The following OLFML2B variants were observed in gnomAD, a reference collection of about 807,000 sequenced individuals.
OLFML2B encodes the protein olfactomedin-like protein 2B.
OLFML2B carries 57 observed loss-of-function variants against 74.9 expected under a neutral mutation model. The observed-to-expected ratio is 0.76, with a 90% CI of 0.61 to 0.95. The LOEUF (loss-of-function observed/expected upper bound fraction) is 0.95, where lower values mean the gene tolerates loss of function less well. Ranked by LOEUF, OLFML2B falls within the 40% of genes least tolerant of loss-of-function variation. OLFML2B has a pLI of 0.00. For synonymous variants in OLFML2B, 388 were observed against 405.8 expected, an observed-to-expected ratio of 0.96 and a Z score of 0.53; for missense variants, 986 against 970.6, an observed-to-expected ratio of 1.02 and a Z score of -0.21.
At chr1:162,003,718 C>T (rs1250170158) in intron 4 of OLFML2B, among the ~76,000 whole-genome samples, 3 of 152,138 alleles carry the variant, frequency 2.0e-5, no homozygotes, top group Admixed American at 2.0e-4. Context: ...CAGGCAAGGA[C>T]CATCTTAGAG....
intron 6 of OLFML2B, among the ~76,000 whole-genome samples, chr1:161,987,744 G>A (rs145075224): frequency 9.8e-5 from 15 of 152,314 alleles, no homozygotes; most frequent in African/African-American, 3.1e-4. Flanking sequence ...TCTTGGGTTA[G>A]GGCACCCTTA....
At chr1:162,009,250 T>C (rs918304815) in intron 3 of OLFML2B, among the ~76,000 whole-genome samples, 2 of 152,222 alleles carry the variant, frequency 1.3e-5, no homozygotes, top group Admixed American at 6.5e-5. Context: ...GCCAGGTCGA[T>C]AGGCTTCTCT....
chr1:161,996,675 A>G (rs1378862411), intron 6 of OLFML2B, among the ~76,000 whole-genome samples: 2 of 152,228 alleles, frequency 1.3e-5, no homozygotes. Flanking sequence ...TTTGGAAAAG[A>G]CATTTGTAAC....
chr1:162,010,422 G>C (rs1690347286), intron 3 of OLFML2B, among the ~76,000 whole-genome samples: 1 of 152,226 alleles, frequency 6.6e-6, no homozygotes, highest in South Asian at 2.1e-4. Flanking sequence ...GTGCAAACAA[G>C]GCAGGGACCC....
chr1:162,007,674 GCTA>G (rs573060137), intron 3 of OLFML2B, among the ~76,000 whole-genome samples: 110 of 152,332 alleles, frequency 7.2e-4, no homozygotes, highest in Middle Eastern at 3.4e-3. Context: ...CTGGTGGGAT[GCTA>G]CTAACATCCT....
intron 4 of OLFML2B, among the ~76,000 whole-genome samples, chr1:162,004,830 C>T (rs189645865): frequency 2.2e-4 from 33 of 152,314 alleles, no homozygotes; most frequent in African/African-American, 4.8e-4. Context: ...ACACTCAGAA[C>T]GACTCCCCGA....
chr1:161,998,020 G>C lies in OLFML2B; in HGVS notation c.1279C>G (p.Gln427Glu), dbSNP rs1048372979. 1.2e-6 allele frequency: 2 copies of C among 1,614,166 alleles called. No individual in the cohort carries two copies. The highest frequency in any genetic ancestry group is 1.1e-5 in the South Asian group (1 of 91,078). ...PATTVAHTAT[Q>E]QPAAPAPPAV... ...GGAGGAGCTGGGGCTGCTGGTTGCTGGGTGGCTGTGTGGGCCACAGTGGTG... is the reference window on the plus strand; with the variant it reads ...GGAGGAGCTGGGGCTGCTGGTTGCTCGGTGGCTGTGTGGGCCACAGTGGTG... Residue 427 changes from glutamine (Q) to glutamate (E), a missense_variant, in exon 6 of 8, where the codon CAG becomes GAG. Transcript: ENST00000294794.
At chr1:162,011,442 G>A (rs1690384841) in intron 3 of OLFML2B, among the ~76,000 whole-genome samples, 1 of 152,182 alleles carries the variant, frequency 6.6e-6, no homozygotes, top group African/African-American at 2.4e-5. Flanking sequence ...AGATGGCCTG[G>A]GACAGCAACC....
In OLFML2B at chr1:162,022,059, C is replaced by T. The variant is rs1690716667; in HGVS notation, c.174+1198G>A. ...CTAGGGCTTGGTGGAGGTGAAGGTACAGGCAGCCCTGGAGGATCCTTTTTC... is the reference window on the plus strand; with the variant it reads ...CTAGGGCTTGGTGGAGGTGAAGGTATAGGCAGCCCTGGAGGATCCTTTTTC... On this transcript the variant is annotated intron_variant, in intron 1 of 7. Coordinates refer to ENST00000294794, the MANE Select transcript of OLFML2B (RefSeq NM_015441.3). Among the ~76,000 whole-genome samples, 6 of 152,002 alleles carry T rather than the reference C, an allele frequency of 3.9e-5. No individual in the cohort carries two copies. In the South Asian group the frequency reaches 1.2e-3, roughly 32 times the overall value.
chr1:162,012,752 C>G (rs1464157115), intron 3 of OLFML2B, among the ~76,000 whole-genome samples: 1 of 151,004 alleles, frequency 6.6e-6, no homozygotes, highest in Non-Finnish European at 1.5e-5. Flanking sequence ...CACATGTGTA[C>G]ATAAGCATTT....
At chr1:162,017,610 AG>A in intron 2 of OLFML2B, 103 bp from the exon 3 acceptor site, 1 of 772,156 alleles carries the variant, frequency 1.3e-6, no homozygotes, top group Non-Finnish European at 2.1e-6. Flanking sequence ...GAAAGCCACT[AG>A]CCAGGAATTG....
intron 6 of OLFML2B, among the ~76,000 whole-genome samples, chr1:161,994,655 G>A (rs576729751): frequency 2.0e-5 from 3 of 152,262 alleles, no homozygotes; most frequent in South Asian, 2.1e-4. Context: ...GCGCCTTCTC[G>A]GATGGTACCA....
chr1:162,021,873 G>A (rs1222198788), intron 1 of OLFML2B, among the ~76,000 whole-genome samples: 3 of 152,140 alleles, frequency 2.0e-5, no homozygotes, highest in African/African-American at 7.2e-5. Flanking sequence ...CAGTGTGAGA[G>A]ATTTTTATGT....
At position 162,006,444 on chromosome 1, in the gene OLFML2B, A is replaced by G. The variant is rs12022536; in HGVS notation, c.576T>C (p.Asn192=). 0.78 allele frequency: 1,246,165 copies of G among 1,596,428 alleles called. 494,574 individuals are homozygous for G. Among genetic ancestry groups the G allele is most frequent in the Non-Finnish European group, 0.82 (966,064 of 1,175,032 alleles). ...EEVSKNLTKE[N]EQIKEDMEEI... ...CTTCCATGTCCTCTTTGATTTGTTC[A>G]TTTTCCTTGGTGAGGTTTTTAGACA... Residue 192 remains asparagine, a synonymous_variant, in exon 4 of 8, where the codon AAT becomes AAC. Transcript: ENST00000294794.
intron 6 of OLFML2B, 112 bp from the exon 7 acceptor site, chr1:161,985,092 C>T (rs1689554708): frequency 9.5e-7 from 1 of 1,058,140 alleles, no homozygotes; most frequent in South Asian, 1.7e-5. Flanking sequence ...GCTTTAACAG[C>T]CCTGTATAAC....
At position 161,983,712 on chromosome 1, in the gene OLFML2B, C is replaced by T; in HGVS notation, c.2216G>A (p.Gly739Asp). 2 of 1,612,516 alleles carry T rather than the reference C, an allele frequency of 1.2e-6. No homozygotes were observed. The highest frequency in any genetic ancestry group is 1.7e-6 in the Non-Finnish European group (2 of 1,178,680). ...KDRLLYAWDN[G>D]HQVTYHVIFA... is the part of the protein sequence containing the mutation. ...GATGACATGGTAAGTGACCTGGTGG[C>T]CATTGTCCCAGGCATAGAGCAGGCG... is the stretch of plus-strand genomic sequence containing the variant. Residue 739 changes from glycine to aspartate, a missense_variant, in exon 8 of 8, where the codon GGC (glycine) becomes GAC (aspartate). Coordinates refer to ENST00000294794, the MANE Select transcript of OLFML2B (RefSeq NM_015441.3).
chr1:161,983,783 C>G lies in OLFML2B; in HGVS notation c.2145G>C (p.Glu715Asp). ...TCTGGGTCGTATAGGAATACTCATTCTCGAACAGCAGCCTGGGGACGATCT... is the reference window on the plus strand; with the variant it reads ...TCTGGGTCGTATAGGAATACTCATTGTCGAACAGCAGCCTGGGGACGATCT... ...NTQIVPRLLF[E>D]NEYSYTTQID... Residue 715 changes from glutamate (E) to aspartate (D), a missense_variant, in exon 8 of 8, where the codon GAG becomes GAC. Glu to Asp is a conservative substitution (Grantham distance 45). Coordinates refer to ENST00000294794, the MANE Select transcript of OLFML2B (RefSeq NM_015441.3). 1 of 1,614,094 alleles carries G rather than the reference C, an allele frequency of 6.2e-7. No homozygotes were observed. Among genetic ancestry groups the G allele is most frequent in the Non-Finnish European group, 8.5e-7 (1 of 1,180,012 alleles).
intron 3 of OLFML2B, among the ~76,000 whole-genome samples, chr1:162,016,305 A>C (rs1464118466): frequency 6.6e-6 from 1 of 152,226 alleles, no homozygotes; most frequent in African/African-American, 2.4e-5. Context: ...CAGATGGAGA[A>C]GGTAGGACAT....
chr1:161,999,899 T>C, intron 5 of OLFML2B, among the ~76,000 whole-genome samples: 1 of 152,184 alleles, frequency 6.6e-6, no homozygotes, highest in East Asian at 1.9e-4. Context: ...CCATATGGTC[T>C]TCTGCAAGCT....
Sources: gnomAD v4.1 joint callset for allele counts (sites outside exome capture counted in the v4.1 genomes callset) on GRCh38, gnomAD v4.1.1 for gene constraint, MANE v1.5 for transcripts, NCBI Gene and HGNC (gene_info 2026-07-23, HGNC 2026-07-21) for gene names.